Variants in TUBB8 observed in about 807,000 individuals in gnomAD.
TUBB8 encodes the protein tubulin beta-8 chain.
In TUBB8, 25 loss-of-function variants were observed where a neutral mutation model predicts 33.7. That is an observed-to-expected ratio of 0.74 (90% CI 0.54 to 1.04). TUBB8 has a LOEUF of 1.04. Ranked by LOEUF, TUBB8 falls within the 50% of genes least tolerant of loss-of-function variation. The probability of loss-of-function intolerance (pLI) is 0.00; values close to 1 mark genes in which losing one functional copy is unlikely to be tolerated. For synonymous variants in TUBB8, 245 were observed against 240.1 expected (o/e 1.02, Z -0.19); for missense variants, 279 against 608.0 (o/e 0.46, Z 5.69).
rs782368080 is a variant in TUBB8, at chr10:47,432, G to T, written c.960C>A (p.Arg320=). ...YLTAAAIFRG[R]MPMREVDEQM... ...GTTCATCCACCTCCCTCATGGGCAT[G>T]CGACCCCTGAAAATGGCAGCCGCCG... Residue 320 remains arginine, a synonymous_variant, in exon 4 of 4, where the codon CGC becomes CGA. Coordinates refer to ENST00000568584, the MANE Select transcript of TUBB8 (RefSeq NM_177987.3). 65 of 1,612,080 alleles carry T rather than the reference G, an allele frequency of 4.0e-5. No individual in the cohort carries two copies. Among genetic ancestry groups the T allele is most frequent in the Middle Eastern group, 4.3e-4 (2 of 4,646 alleles).
At chr10:55,922 T>C (rs1348920937) in intron 1 of TUBB8, among the ~76,000 whole-genome samples, 6 of 152,274 alleles carry the variant, frequency 3.9e-5, no homozygotes, top group African/African-American at 1.4e-4. Flanking sequence ...GGTAATGGGA[T>C]TCCTCCAGTT....
intron 3 of TUBB8, chr10:48,369 G>A: frequency 1.6e-6 from 1 of 631,146 alleles, no homozygotes; most frequent in Non-Finnish European, 2.8e-6. Context: ...AGGAAAGGCA[G>A]TAGCCACGGC....
Position 49,260 on chromosome 10 carries a change from G to T in TUBB8, c.-22C>A, listed in dbSNP as rs1554739078. 2 of 1,576,876 alleles carry T rather than the reference G, an allele frequency of 1.3e-6. No individual in the cohort carries two copies. The highest frequency in any genetic ancestry group is 1.8e-5 in the Admixed American group (1 of 55,076). On this transcript the variant is annotated 5_prime_UTR_variant, in exon 1 of 4. Coordinates refer to ENST00000568584, the MANE Select transcript of TUBB8 (RefSeq NM_177987.3). The stretch of plus-strand genomic sequence containing the variant: ...TCATGGCCAAGGCGGGATTAGGACG[G>T]CAGGAGAAACGTGAGAAGGAGGAGC...
At chr10:69,143 C>T (rs1391472136) in intron 1 of TUBB8, among the ~76,000 whole-genome samples, 1 of 152,196 alleles carries the variant, frequency 6.6e-6, no homozygotes, top group Admixed American at 6.5e-5. Flanking sequence ...TCTGATTCAA[C>T]TTTTACAATG....
At chr10:69,151 A>G (rs1334310522) in intron 1 of TUBB8, among the ~76,000 whole-genome samples, 1 of 152,208 alleles carries the variant, frequency 6.6e-6, no homozygotes, top group African/African-American at 2.4e-5. Flanking sequence ...AACTTTTACA[A>G]TGGATTCCCA....
intron 1 of TUBB8, among the ~76,000 whole-genome samples, chr10:62,862 A>G (rs1456579075): frequency 6.6e-6 from 1 of 152,164 alleles, no homozygotes; most frequent in Admixed American, 6.5e-5. Flanking sequence ...TGTCAGATGT[A>G]TTGGAGTTCC....
chr10:74,544 T>C (rs1196319544), upstream of TUBB8, among the ~76,000 whole-genome samples: 2 of 148,648 alleles, frequency 1.3e-5, no homozygotes, highest in African/African-American at 2.5e-5. Flanking sequence ...GGAGAATCCC[T>C]TGAACCCGGG....
chr10:48,544 C>T (rs1554738752), intron 3 of TUBB8, 71 bp downstream of exon 3: 24 of 1,438,644 alleles, frequency 1.7e-5, no homozygotes, highest in East Asian at 2.3e-5. Flanking sequence ...CAGAGGATGA[C>T]CTTAGCACAC....
intron 1 of TUBB8, among the ~76,000 whole-genome samples, chr10:67,691 C>T (rs1327412497): frequency 7.2e-5 from 11 of 152,232 alleles, no homozygotes; most frequent in Non-Finnish European, 1.6e-4. Flanking sequence ...TCCAAAAGTG[C>T]TGGGATTACA....
chr10:47,734 G>T lies in TUBB8; in HGVS notation c.658C>A (p.Pro220Thr). 1 of 1,613,228 alleles carries T rather than the reference G, an allele frequency of 6.2e-7. No individual in the cohort carries two copies. The highest frequency in any genetic ancestry group is 8.5e-7 in the Non-Finnish European group (1 of 1,180,030). ...ICSKTLKLPT[P>T]TYGDLNHLVS... is the part of the protein sequence containing the mutation. ...AGGTGGTTCAGGTCACCATAGGTGG[G>T]TGTGGGCAGTTTTAGGGTCTTGGAA... The change falls in exon 4 of 4, where the codon CCC becomes ACC. Residue 220 changes from proline to threonine, a missense_variant. By Grantham distance (38) the Pro-to-Thr change is conservative (BLOSUM62 -1). This residue lies in a region of TUBB8 where 96 missense variants were observed against 233.7 expected (regional missense o/e 0.41). Transcript: ENST00000568584.
At chr10:61,250 A>G (rs1162759917) in intron 1 of TUBB8, among the ~76,000 whole-genome samples, 9 of 151,952 alleles carry the variant, frequency 5.9e-5, no homozygotes, top group African/African-American at 2.2e-4. Context: ...AAATAAAGAA[A>G]TTTTCCTTTC....
intron 1 of TUBB8, 32 bp downstream of exon 1, chr10:49,150 C>T (rs572670473): frequency 9.0e-6 from 14 of 1,553,384 alleles, no homozygotes; most frequent in Admixed American, 1.9e-5. Flanking sequence ...CCGGCAGGCC[C>T]GGGCTAGGCC....
chr10:60,915 T>C (rs1554740757), intron 1 of TUBB8, among the ~76,000 whole-genome samples: 2 of 152,068 alleles, frequency 1.3e-5, no homozygotes, highest in Non-Finnish European at 2.9e-5. Flanking sequence ...GATGAGTTCA[T>C]GTACTTTATA....
chr10:62,769 A>T (rs1834619706), intron 1 of TUBB8, among the ~76,000 whole-genome samples: 1 of 152,240 alleles, frequency 6.6e-6, no homozygotes, highest in Non-Finnish European at 1.5e-5. Flanking sequence ...CATTATTCTA[A>T]AGTAAAAGTC....
intron 1 of TUBB8, among the ~76,000 whole-genome samples, chr10:71,421 G>A (rs532051445): frequency 4.0e-5 from 6 of 151,262 alleles, no homozygotes; most frequent in Non-Finnish European, 8.8e-5. Context: ...ATCACCTGAG[G>A]TCAGGAGTTC....
At chr10:49,435 G>A, upstream of TUBB8, 1 of 709,368 alleles carries the variant, frequency 1.4e-6, no homozygotes, top group Non-Finnish European at 2.6e-6. Flanking sequence ...CTGAACATCT[G>A]TTGGAAAGCT....
intron 1 of TUBB8, among the ~76,000 whole-genome samples, chr10:55,079 A>G (rs1834512571): frequency 6.6e-6 from 1 of 152,236 alleles, no homozygotes. Flanking sequence ...TATAAAGGAA[A>G]TAGATTTAAC....
At chr10:74,103 C>G (rs1461739358) in exon 1 of TUBB8, 1 of 150,584 alleles carries the variant, frequency 6.6e-6, no homozygotes, top group Non-Finnish European at 1.5e-5. Flanking sequence ...GTGGACCCCC[C>G]GTCCTCACAG....
chr10:56,263 T>A (rs1309863144), intron 1 of TUBB8, among the ~76,000 whole-genome samples: 24 of 152,232 alleles, frequency 1.6e-4, no homozygotes, highest in Non-Finnish European at 3.2e-4. Context: ...CTTTTTTGAA[T>A]TCTTTTCCAG....
Sources: allele counts gnomAD v4.1 joint callset (sites outside exome capture counted in the v4.1 genomes callset), GRCh38; gene constraint gnomAD v4.1.1; regional missense constraint gnomAD v4.1.1; transcripts MANE v1.5; gene names NCBI Gene and HGNC (gene_info 2026-07-23, HGNC 2026-07-21).